FAM169A: variants seen among roughly 807,000 people sequenced by gnomAD.
The protein encoded by FAM169A is soluble lamin-associated protein of 75 kDa.
In FAM169A, 24 loss-of-function variants were observed where a neutral mutation model predicts 75.7. The ratio of observed to expected loss-of-function variants is 0.32; its 90% CI spans 0.23 to 0.45. The LOEUF (loss-of-function observed/expected upper bound fraction) is 0.45. Among genes scored for constraint, FAM169A ranks in the 20% least tolerant of loss-of-function variants. The pLI is 1.00. For synonymous variants in FAM169A, 271 were observed against 271.0 expected (o/e 1.00, Z 0.00); for missense variants, 673 against 784.0 (o/e 0.86, Z 1.69).
chr5:74,791,928 T>C (rs528473224), intron 11 of FAM169A, among the ~76,000 whole-genome samples: 43 of 152,364 alleles, frequency 2.8e-4, no homozygotes, highest in African/African-American at 1.0e-3. Context: ...TTCTTCCTTA[T>C]TTTGTTAAGA....
rs1241370630 is a variant in FAM169A at position 74,849,628 on chromosome 5, C to T, written c.-3-7949G>A. On this transcript the variant is annotated intron_variant, in intron 1 of 12. Coordinates refer to ENST00000687041, the MANE Select transcript of FAM169A (RefSeq NM_001376049.1). ...AATGCTCTCAACCTTATTTCTGAACCTTATTATGATTCCTCTCTTGATCCC... is the reference window on the plus strand; with the variant it reads ...AATGCTCTCAACCTTATTTCTGAACTTTATTATGATTCCTCTCTTGATCCC... Among the ~76,000 whole-genome samples, 5 of 151,912 alleles carry T rather than the reference C, an allele frequency of 3.3e-5. No individual in the cohort carries two copies. In the East Asian group the frequency reaches 9.7e-4, roughly 29 times the overall value.
At chr5:74,865,438 G>GA (rs1488833892) in intron 1 of FAM169A, 1 of 152,174 alleles carries the variant, frequency 6.6e-6, no homozygotes, top group African/African-American at 2.4e-5. Context: ...CCCAGACGCT[G>GA]AAAAGCCAGT....
chr5:74,839,470 G>C (rs933057065), intron 3 of FAM169A, among the ~76,000 whole-genome samples: 1 of 151,550 alleles, frequency 6.6e-6, no homozygotes, highest in African/African-American at 2.4e-5. Context: ...TGCCATGATT[G>C]CAAGTTTCCT....
intron 1 of FAM169A, among the ~76,000 whole-genome samples, chr5:74,842,709 GT>G (rs1442698825): frequency 4.0e-5 from 6 of 151,652 alleles, no homozygotes; most frequent in Non-Finnish European, 8.8e-5. Flanking sequence ...ATCTTGCTGG[GT>G]TTTTTGTTGT....
intron 11 of FAM169A, among the ~76,000 whole-genome samples, chr5:74,785,076 C>G (rs1039433815): frequency 2.0e-5 from 3 of 152,130 alleles, no homozygotes; most frequent in Non-Finnish European, 4.4e-5. Flanking sequence ...AATCCCAGCA[C>G]TTTGGAAGCC....
At chr5:74,865,309 C>G (rs907501849) in intron 1 of FAM169A, 2 of 152,180 alleles carry the variant, frequency 1.3e-5, no homozygotes, top group Non-Finnish European at 2.9e-5. Flanking sequence ...CGGTCCCAAT[C>G]CCCCAAAAAC....
intron 6 of FAM169A, among the ~76,000 whole-genome samples, chr5:74,812,552 T>A (rs1747255607): frequency 1.3e-5 from 2 of 152,144 alleles, no homozygotes; most frequent in African/African-American, 4.8e-5. Context: ...GTAACTGAGA[T>A]AACAGGCATA....
chr5:74,851,802 G>A (rs1207987571), intron 1 of FAM169A, among the ~76,000 whole-genome samples: 1 of 152,092 alleles, frequency 6.6e-6, no homozygotes, highest in Non-Finnish European at 1.5e-5. Flanking sequence ...ATAAAATTGT[G>A]TCCATTTCAA....
At chr5:74,787,641 C>T (rs1031046356) in intron 11 of FAM169A, among the ~76,000 whole-genome samples, 1 of 152,178 alleles carries the variant, frequency 6.6e-6, no homozygotes, top group African/African-American at 2.4e-5. Context: ...TGGATCCTGA[C>T]GTGGCAGAGG....
chr5:74,796,209 T>C (rs775424264), intron 10 of FAM169A, 23 bp from the exon 11 acceptor site: 6 of 1,587,216 alleles, frequency 3.8e-6, no homozygotes, highest in African/African-American at 1.4e-5. Context: ...AGAAAACCAT[T>C]CTGACTTGTT....
At chr5:74,823,640 A>G (rs1747872439) in intron 5 of FAM169A, among the ~76,000 whole-genome samples, 1 of 152,190 alleles carries the variant, frequency 6.6e-6, no homozygotes, top group African/African-American at 2.4e-5. Context: ...TCTCTCGAAT[A>G]AACAGAACCC....
At chr5:74,801,505 A>G in intron 9 of FAM169A, 85 bp downstream of exon 9, 1 of 1,056,802 alleles carries the variant, frequency 9.5e-7, no homozygotes, top group African/African-American at 1.6e-5. Flanking sequence ...GTGACACACC[A>G]CACACACATG....
intron 3 of FAM169A, among the ~76,000 whole-genome samples, 168 bp downstream of exon 3, chr5:74,839,906 T>C (rs977443266): frequency 2.6e-5 from 4 of 152,084 alleles, no homozygotes; most frequent in African/African-American, 4.8e-5. Flanking sequence ...CAGACATTCA[T>C]CCATCAAACA....
chr5:74,862,644 C>A (rs1750097221), intron 1 of FAM169A, among the ~76,000 whole-genome samples: 1 of 152,162 alleles, frequency 6.6e-6, no homozygotes, highest in African/African-American at 2.4e-5. Flanking sequence ...TTTGCACATT[C>A]ATGTTTTTGT....
At chr5:74,810,860 C>A (rs1747154184) in intron 6 of FAM169A, among the ~76,000 whole-genome samples, 1 of 128,334 alleles carries the variant, frequency 7.8e-6, no homozygotes. Context: ...CTGGCTCTTT[C>A]CCTGAGTCTG....
chr5:74,789,735 T>G (rs1245463479), intron 11 of FAM169A, among the ~76,000 whole-genome samples: 1 of 151,612 alleles, frequency 6.6e-6, no homozygotes, highest in Non-Finnish European at 1.5e-5. Context: ...GCCATCTTCT[T>G]CAGATAACTA....
At chr5:74,853,609 T>C (rs1326685770) in intron 1 of FAM169A, among the ~76,000 whole-genome samples, 3 of 152,290 alleles carry the variant, frequency 2.0e-5, no homozygotes, top group East Asian at 3.9e-4. Context: ...AACCAGATTA[T>C]TCAGTCTCTG....
intron 11 of FAM169A, among the ~76,000 whole-genome samples, chr5:74,788,142 C>A (rs1206201466): frequency 1.3e-5 from 2 of 152,114 alleles, no homozygotes; most frequent in Non-Finnish European, 1.5e-5. Flanking sequence ...CCGGGGGACC[C>A]AAAACGTCAC....
chr5:74,781,273 C>A lies in FAM169A; in HGVS notation c.*187G>T. On this transcript the variant is annotated 3_prime_UTR_variant, in exon 13 of 13. Transcript: ENST00000687041. ...AAAAATTGCATTTACCAAAAATAGC[C>A]TGGAAAATTAAAAACAATGGTGAAT... 1 of 499,280 alleles carries A rather than the reference C, an allele frequency of 2.0e-6. No individual in the cohort carries two copies. Among genetic ancestry groups the A allele is most frequent in the Non-Finnish European group, 3.5e-6 (1 of 288,208 alleles). 30.9% of individuals were successfully genotyped at this position (499,280 alleles called of 1,614,324 possible). A position where few individuals can be genotyped will look rare whatever the true frequency, so the allele number is the denominator to read the frequency against.
Sources: gnomAD v4.1 joint callset for allele counts (sites outside exome capture counted in the v4.1 genomes callset) on GRCh38, gnomAD v4.1.1 for gene constraint, MANE v1.5 for transcripts, NCBI Gene and HGNC (gene_info 2026-07-23, HGNC 2026-07-21) for gene names.